The following SH3YL1 variants were observed in gnomAD, a reference collection of about 807,000 sequenced individuals.
SH3YL1 encodes SH3 and SYLF domain containing 1.
SH3YL1 carries 41 observed loss-of-function variants against 45.8 expected under a neutral mutation model. The observed-to-expected ratio is 0.89, with a 90% CI of 0.70 to 1.16. The LOEUF is 1.16. SH3YL1 is among the 50% of genes most tolerant of loss of function. SH3YL1 has a pLI of 0.00. For synonymous variants in SH3YL1, 152 were observed against 151.4 expected (o/e 1.00, Z -0.03); for missense variants, 389 against 409.6 (o/e 0.95, Z 0.43).
chr2:226,872 C>T (rs1667805146), intron 8 of SH3YL1, among the ~76,000 whole-genome samples: 1 of 150,782 alleles, frequency 6.6e-6, no homozygotes, highest in Non-Finnish European at 1.5e-5. Context: ...ATACACGGTA[C>T]AGAATATGGT....
chr2:259,558 G>GA (rs1373507767), intron 1 of SH3YL1: 1 of 151,562 alleles, frequency 6.6e-6, no homozygotes, highest in Non-Finnish European at 1.5e-5. Flanking sequence ...GAAGAGCTAG[G>GA]AAAAAATATG....
chr2:236,860 T>C (rs762728175), intron 4 of SH3YL1, among the ~76,000 whole-genome samples: 2 of 152,212 alleles, frequency 1.3e-5, no homozygotes, highest in Admixed American at 6.5e-5. Context: ...CTTAATAATG[T>C]TCAATTTGAA....
chr2:227,160 A>G, intron 8 of SH3YL1, among the ~76,000 whole-genome samples: 1 of 152,016 alleles, frequency 6.6e-6, no homozygotes. Context: ...TACATGGTGG[A>G]TGGTATACAT....
intron 4 of SH3YL1, chr2:243,427 C>A: frequency 1.4e-6 from 2 of 1,386,118 alleles, no homozygotes; most frequent in Non-Finnish European, 1.9e-6. Flanking sequence ...TCTTAAATAA[C>A]AAATGGCTCA....
At chr2:262,862 T>C in intron 1 of SH3YL1, 1 of 473,432 alleles carries the variant, frequency 2.1e-6, no homozygotes, top group Non-Finnish European at 3.4e-6. Flanking sequence ...TTACAAAAGA[T>C]GAGGGGTAAC....
At chr2:244,042 C>A (rs1488987007) in intron 4 of SH3YL1, among the ~76,000 whole-genome samples, 1 of 152,142 alleles carries the variant, frequency 6.6e-6, no homozygotes, top group Non-Finnish European at 1.5e-5. Context: ...AACATGCTGC[C>A]TGGATGTGGG....
intron 1 of SH3YL1, among the ~76,000 whole-genome samples, chr2:254,768 C>T (rs1202380321): frequency 6.6e-6 from 1 of 152,154 alleles, no homozygotes. Flanking sequence ...CTGTGGACAA[C>T]AGATGGAACT....
intron 8 of SH3YL1, among the ~76,000 whole-genome samples, chr2:228,271 G>T (rs1667870423): frequency 6.6e-6 from 1 of 152,274 alleles, no homozygotes; most frequent in East Asian, 1.9e-4. Context: ...CCCAAGAAAG[G>T]GTTCGGGGAA....
In SH3YL1 at chr2:249,784, A is replaced by G. The variant is rs1668995757; in HGVS notation, c.173T>C (p.Leu58Pro). ...CCCGCTGCCTCCTCTGGCAGTCACC[A>G]GGAACCCGGCTTTGATCACAGACAG... ...AILSVIKAGF[L>P]VTARGGSGIV... The change falls in exon 3 of 10, where the codon CTG (leucine) becomes CCG (proline). Residue 58 changes from leucine (L) to proline (P), a missense_variant. Leu to Pro is a moderately conservative substitution (Grantham distance 98). Transcript: ENST00000356150. The G allele has an allele frequency of 4.5e-6, 7 of 1,551,872 alleles. No individual in the cohort carries two copies. Among genetic ancestry groups the G allele is most frequent in the African/African-American group, 1.4e-5 (1 of 73,058 alleles).
intron 6 of SH3YL1, among the ~76,000 whole-genome samples, chr2:232,119 T>C (rs1229285344): frequency 1.3e-5 from 2 of 152,198 alleles, no homozygotes; most frequent in African/African-American, 4.8e-5. Flanking sequence ...TTTCTGGGCC[T>C]TTACACATAT....
chr2:257,586 A>C (rs1318363008), intron 1 of SH3YL1, among the ~76,000 whole-genome samples: 1 of 152,214 alleles, frequency 6.6e-6, no homozygotes, highest in Non-Finnish European at 1.5e-5. Context: ...GAAAATGATG[A>C]GCTGTAACCA....
At chr2:235,438 C>T (rs866738359) in intron 4 of SH3YL1, among the ~76,000 whole-genome samples, 1 of 76,932 alleles carries the variant, frequency 1.3e-5, no homozygotes. Flanking sequence ...GGGGAGGCAG[C>T]ATGGGCCAGG....
chr2:246,216 G>GA (rs988943690), intron 4 of SH3YL1, among the ~76,000 whole-genome samples: 2 of 150,884 alleles, frequency 1.3e-5, no homozygotes, highest in Non-Finnish European at 3.0e-5. Context: ...AGAGAAAAAA[G>GA]AAAAAAAATA....
chr2:263,712 G>C, intron 1 of SH3YL1: 1 of 432,604 alleles, frequency 2.3e-6, no homozygotes, highest in Non-Finnish European at 4.1e-6. Context: ...ATATCAGGAA[G>C]TTAAAAATAA....
chr2:230,933 A>T, intron 7 of SH3YL1, 90 bp downstream of exon 7: 1 of 1,261,440 alleles, frequency 7.9e-7, no homozygotes, highest in Non-Finnish European at 1.2e-6. Flanking sequence ...GAGGCTTAGT[A>T]GGTTCTTAGG....
Position 257,900 on chromosome 2 carries a change from T to C in SH3YL1, c.2-4785A>G, listed in dbSNP as rs555787547. ...TGGCCAGGTATTCCAGCACCATTTATTGAATATGGAGTCCTTTCCCCATTG... is the reference window on the plus strand; with the variant it reads ...TGGCCAGGTATTCCAGCACCATTTACTGAATATGGAGTCCTTTCCCCATTG... On this transcript the variant is annotated intron_variant, in intron 1 of 9. Transcript: ENST00000356150. 3.8e-4 allele frequency among the ~76,000 whole-genome samples: 58 copies of C among 152,352 alleles called. 2 individuals are homozygous for C. In the South Asian group the frequency reaches 9.7e-3, roughly 26 times the overall value.
chr2:226,444 T>A (rs1667787862), intron 8 of SH3YL1, among the ~76,000 whole-genome samples: 1 of 152,214 alleles, frequency 6.6e-6, no homozygotes, highest in Non-Finnish European at 1.5e-5. Context: ...GAAGAGATGT[T>A]TACATTCACT....
intron 9 of SH3YL1, among the ~76,000 whole-genome samples, chr2:221,101 AGAAT>A (rs1303621894): frequency 2.0e-5 from 3 of 152,190 alleles, no homozygotes; most frequent in Non-Finnish European, 2.9e-5. Flanking sequence ...CCCACATCAC[AGAAT>A]TTGAAACTGA....
chr2:234,830 G>C (rs2103029653), intron 4 of SH3YL1, among the ~76,000 whole-genome samples: 2 of 152,306 alleles, frequency 1.3e-5, no homozygotes, highest in South Asian at 4.1e-4. Context: ...CAACACACCA[G>C]AAAGCAAAGC....
Sources: allele counts gnomAD v4.1 joint callset (sites outside exome capture counted in the v4.1 genomes callset), GRCh38; gene constraint gnomAD v4.1.1; transcripts MANE v1.5; gene names NCBI Gene and HGNC (gene_info 2026-07-23, HGNC 2026-07-21).